The following NTN1 variants were observed in gnomAD, a reference collection of about 807,000 sequenced individuals.
The protein encoded by NTN1 is netrin 1.
Under a neutral mutation model 54.2 loss-of-function variants are expected in NTN1, and 11 were observed. That is an observed-to-expected ratio of 0.20 (90% CI 0.13 to 0.34). The LOEUF (loss-of-function observed/expected upper bound fraction) is 0.34, where lower values mean the gene tolerates loss of function less well. Ranked by LOEUF, NTN1 falls within the 10% of genes least tolerant of loss-of-function variation. The probability of loss-of-function intolerance (pLI) is 1.00; values close to 1 mark genes in which losing one functional copy is unlikely to be tolerated. For missense variants in NTN1, 740 were observed against 893.1 expected (o/e 0.83, Z 2.18); for synonymous variants, 371 against 382.0 (o/e 0.97, Z 0.33).
At chr17:9,193,934 A>AAAAAAAC (rs1216188837) in intron 5 of NTN1, among the ~76,000 whole-genome samples, 4 of 141,670 alleles carry the variant, frequency 2.8e-5, no homozygotes, top group Non-Finnish European at 6.1e-5. Context: ...AAAAAAAAAA[A>AAAAAAAC]AAAAAAAAAA....
intron 2 of NTN1, among the ~76,000 whole-genome samples, chr17:9,073,612 T>G (rs1205962296): frequency 1.3e-5 from 2 of 152,200 alleles, no homozygotes; most frequent in African/African-American, 4.8e-5. Context: ...TGCAGGAGTC[T>G]CCTGTATACT....
At chr17:9,230,985 A>T (rs1597551928) in intron 6 of NTN1, among the ~76,000 whole-genome samples, 1 of 151,872 alleles carries the variant, frequency 6.6e-6, no homozygotes, top group East Asian at 1.9e-4. Context: ...TGGGGTGGGG[A>T]TCTGTCCAAG....
rs898268302 is a variant in NTN1 at position 9,073,244 on chromosome 17, G to A, written c.1018+49853G>A. ...CCCAGACACCTGTCTCCTGAGCGCC[G>A]AGACTTGGGGGTGGAAGGTGGGAAT... is the stretch of plus-strand genomic sequence containing the variant. On this transcript the variant is annotated intron_variant, in intron 2 of 6. Transcript: ENST00000173229. Among the ~76,000 whole-genome samples the A allele has an allele frequency of 6.6e-5, 10 of 152,118 alleles. 1 individual carries two copies. In the South Asian group the frequency reaches 1.0e-3, roughly 16 times the overall value.
At chr17:9,228,399 G>T (rs1905672710) in intron 6 of NTN1, among the ~76,000 whole-genome samples, 1 of 152,216 alleles carries the variant, frequency 6.6e-6, no homozygotes, top group Admixed American at 6.5e-5. Context: ...AGAGGCTGGT[G>T]TTGGCCTCAT....
At chr17:9,117,172 G>A (rs2092216025) in intron 2 of NTN1, among the ~76,000 whole-genome samples, 1 of 152,192 alleles carries the variant, frequency 6.6e-6, no homozygotes, top group South Asian at 2.1e-4. Context: ...AACAGCGCGT[G>A]AATAGAGAGA....
chr17:9,051,274 T>C (rs1433589079), intron 2 of NTN1, among the ~76,000 whole-genome samples: 1 of 152,200 alleles, frequency 6.6e-6, no homozygotes, highest in East Asian at 1.9e-4. Context: ...ATCCAACTCC[T>C]TGGAGCTCGC....
At chr17:9,229,127 TGTGA>T (rs1406042809) in intron 6 of NTN1, among the ~76,000 whole-genome samples, 23 of 149,608 alleles carry the variant, frequency 1.5e-4, no homozygotes, top group African/African-American at 4.5e-4. Flanking sequence ...ACTGTGTTAC[TGTGA>T]GTGTGTGACT....
chr17:9,087,406 C>T (rs2092093100), intron 2 of NTN1, among the ~76,000 whole-genome samples: 1 of 151,942 alleles, frequency 6.6e-6, no homozygotes, highest in Non-Finnish European at 1.5e-5. Context: ...TCCTGCAAGC[C>T]CTGATTGGCG....
intron 2 of NTN1, 97 bp downstream of exon 2, chr17:9,023,488 G>C (rs2091860417): frequency 1.6e-6 from 2 of 1,285,396 alleles, no homozygotes; most frequent in East Asian, 6.3e-5. Context: ...GCGGGTCGAG[G>C]GAACGGCGGG....
At position 9,239,235 on chromosome 17, in the gene NTN1, T is replaced by C. The variant is rs534846570; in HGVS notation, c.1487-405T>C. Among the ~76,000 whole-genome samples the C allele has an allele frequency of 9.9e-5, 15 of 152,248 alleles. No homozygotes were observed. The South Asian group carries it at 2.9e-3, about 29-fold the overall frequency. ...TCATGAGGGCTGGTGTAAAGTGACT[T>C]GGGCCTTTGGAGAAGCGCACCCCTG... On this transcript the variant is annotated intron_variant, in intron 6 of 6. Transcript: ENST00000173229. The surrounding 1 kb of genome is among the most constrained non-coding windows in gnomAD (Gnocchi z 5.2).
Position 9,221,311 on chromosome 17 carries a change from G to C in NTN1, c.1486+69G>C. 8.1e-7 allele frequency: 1 copy of C among 1,241,918 alleles called. No individual in the cohort carries two copies. Among genetic ancestry groups the C allele is most frequent in the Non-Finnish European group, 1.2e-6 (1 of 841,698 alleles). 76.9% of individuals were successfully genotyped at this position (1,241,918 alleles called of 1,614,324 possible). A position where few individuals can be genotyped will look rare whatever the true frequency, so the allele number is the denominator to read the frequency against. On this transcript the variant is annotated intron_variant, in intron 6 of 6. Transcript: ENST00000173229. This position sits in a 1 kb window ranked among gnomAD's most constrained non-coding sequence, Gnocchi z 4.5. ...CGTGACCAGCGAGGTGCTGGGGCTG[G>C]GGTGCAGCTGGCCCCCGATGGGTGT...
chr17:9,125,303 C>T (rs1373185227), intron 2 of NTN1, among the ~76,000 whole-genome samples: 3 of 151,818 alleles, frequency 2.0e-5, no homozygotes, highest in South Asian at 2.1e-4. Flanking sequence ...CTAGGCTGAC[C>T]GTAACCTCCG....
chr17:9,081,157 A>G (rs759234738), intron 2 of NTN1, among the ~76,000 whole-genome samples: 2 of 152,180 alleles, frequency 1.3e-5, no homozygotes, highest in Admixed American at 1.3e-4. Flanking sequence ...ATCCAGATAC[A>G]TAGTGTCAGA....
chr17:9,190,865 T>C (rs1209945685), intron 5 of NTN1, among the ~76,000 whole-genome samples: 8 of 151,186 alleles, frequency 5.3e-5, no homozygotes, highest in Admixed American at 5.3e-4. Context: ...AAAAAAAAAA[T>C]CTAGAAACAT....
At chr17:9,018,788 T>C (rs556667081), upstream of NTN1, among the ~76,000 whole-genome samples, 1 of 152,286 alleles carries the variant, frequency 6.6e-6, no homozygotes, top group South Asian at 2.1e-4. Context: ...GAATGTCTTT[T>C]CCTGACTTGG....
At chr17:9,215,258 C>T (rs1203574521) in intron 5 of NTN1, among the ~76,000 whole-genome samples, 1 of 134,330 alleles carries the variant, frequency 7.4e-6, no homozygotes, top group African/African-American at 2.8e-5. Context: ...GATACACACA[C>T]ACACACACAC....
At chr17:9,204,306 C>CTT (rs1252904929) in intron 5 of NTN1, among the ~76,000 whole-genome samples, 1 of 123,856 alleles carries the variant, frequency 8.1e-6, no homozygotes, top group Non-Finnish European at 1.6e-5. Flanking sequence ...CTCTCTCTCT[C>CTT]TCTTTCTTTC....
chr17:9,118,715 G>A (rs1052682491), intron 2 of NTN1, among the ~76,000 whole-genome samples: 4 of 151,596 alleles, frequency 2.6e-5, no homozygotes, highest in African/African-American at 9.7e-5. Flanking sequence ...GCCTATTTTA[G>A]GCATTTCATA....
intron 2 of NTN1, among the ~76,000 whole-genome samples, chr17:9,096,527 C>T (rs969119215): frequency 2.6e-5 from 4 of 151,860 alleles, no homozygotes; most frequent in South Asian, 2.1e-4. Flanking sequence ...CCCGCCACCA[C>T]ACCCAACTAA....
Sources: allele counts gnomAD v4.1 joint callset (sites outside exome capture counted in the v4.1 genomes callset), GRCh38; gene constraint gnomAD v4.1.1; non-coding constraint Gnocchi (gnomAD v3.1); transcripts MANE v1.5; gene names NCBI Gene and HGNC (gene_info 2026-07-23, HGNC 2026-07-21).